RNF170: variants seen among roughly 807,000 people sequenced by gnomAD.
RNF170 encodes the protein E3 ubiquitin-protein ligase RNF170.
Under a neutral mutation model 32.7 loss-of-function variants are expected in RNF170, and 12 were observed. That is an observed-to-expected ratio of 0.37 (90% CI 0.24 to 0.60). The LOEUF is 0.60. Among genes scored for constraint, RNF170 ranks in the 20% least tolerant of loss-of-function variants. The pLI is 0.72. For synonymous variants in RNF170, 91 were observed against 103.6 expected, an observed-to-expected ratio of 0.88 and a Z score of 0.74; for missense variants, 212 against 311.2, an observed-to-expected ratio of 0.68 and a Z score of 2.40.
intron 2 of RNF170, among the ~76,000 whole-genome samples, chr8:42,886,670 G>A (rs548788995): frequency 1.3e-5 from 2 of 152,040 alleles, no homozygotes; most frequent in Non-Finnish European, 2.9e-5. Flanking sequence ...CAGGTGATCC[G>A]CCTGCCTCAG....
At chr8:42,870,202 G>T (rs543962587) in intron 3 of RNF170, 90 bp from the exon 4 acceptor site, 2 of 884,288 alleles carry the variant, frequency 2.3e-6, no homozygotes, top group South Asian at 2.8e-5. Context: ...AACAGAGTCA[G>T]CAGTGTGTAA....
At chr8:42,851,564 C>CAA (rs11345853), downstream of RNF170, among the ~76,000 whole-genome samples, 11 of 82,566 alleles carry the variant, frequency 1.3e-4, no homozygotes, top group East Asian at 4.3e-4. Flanking sequence ...GACTCCGTCT[C>CAA]AAAAAAAAAA....
At chr8:42,896,725 G>A (rs1806945547), upstream of RNF170, 1 of 151,276 alleles carries the variant, frequency 6.6e-6, no homozygotes, top group Non-Finnish European at 1.5e-5. Context: ...CAGCGAACTG[G>A]TGGCGGGGGC....
At chr8:42,897,205 G>A (rs1409313970), upstream of RNF170, 2 of 1,240,750 alleles carry the variant, frequency 1.6e-6, no homozygotes, top group Admixed American at 8.4e-5. Context: ...GGGGGCCGCG[G>A]GCCGGCGGGA....
At position 42,879,892 on chromosome 8, in the gene RNF170, C is replaced by T. The variant is rs555046650; in HGVS notation, c.138-5886G>A. Among the ~76,000 whole-genome samples the T allele has an allele frequency of 8.5e-5, 13 of 152,252 alleles. No individual in the cohort carries two copies. The South Asian group carries it at 1.9e-3, about 22-fold the overall frequency. Reference sequence around the variant, plus strand: ...GTTTCGCCACGTTGGCCAGGCTGGTCTCAAACTCCTGGCCTCAAGTGATCT... The same window carrying T: ...GTTTCGCCACGTTGGCCAGGCTGGTTTCAAACTCCTGGCCTCAAGTGATCT... On this transcript the variant is annotated intron_variant, in intron 2 of 6. Coordinates refer to ENST00000527424, the MANE Select transcript of RNF170 (RefSeq NM_030954.4).
chr8:42,867,577 C>T (rs920771457), intron 4 of RNF170, among the ~76,000 whole-genome samples: 2 of 150,324 alleles, frequency 1.3e-5, no homozygotes, highest in Admixed American at 1.3e-4. Flanking sequence ...AGATCAAGAC[C>T]ATCATGGCTA....
chr8:42,858,489 G>A (rs1436245668), intron 6 of RNF170, among the ~76,000 whole-genome samples: 1 of 152,112 alleles, frequency 6.6e-6, no homozygotes, highest in African/African-American at 2.4e-5. Flanking sequence ...TTGGAAACTC[G>A]GCAGTGGTAA....
At position 42,887,808 on chromosome 8, in the gene RNF170, T is replaced by C; in HGVS notation, c.57A>G (p.Ile19Met). 2 of 1,613,956 alleles carry C rather than the reference T, an allele frequency of 1.2e-6. No homozygotes were observed. Among genetic ancestry groups the C allele is most frequent in the South Asian group, 1.1e-5 (1 of 91,090 alleles). The change falls in exon 2 of 7, where the codon ATA (isoleucine) becomes ATG (methionine). Residue 19 changes from isoleucine to methionine, a missense_variant. Coordinates refer to ENST00000527424, the MANE Select transcript of RNF170 (RefSeq NM_030954.4). ...QSLKLDDDSV[I>M]EGVSDQVLVA... ...CAAGTACTTGGTCGCTTACTCCTTC[T>C]ATAACTGAATCATCATCCAGTTTCA...
chr8:42,890,004 A>G (rs1245877055), intron 1 of RNF170, among the ~76,000 whole-genome samples: 1 of 152,180 alleles, frequency 6.6e-6, no homozygotes, highest in South Asian at 2.1e-4. Context: ...AGAGCTGTGA[A>G]GGTTAAAACA....
Position 42,891,589 on chromosome 8 carries a change from T to C in RNF170, c.-7-3718A>G, listed in dbSNP as rs976927243. Among the ~76,000 whole-genome samples the C allele has an allele frequency of 2.0e-4, 30 of 152,340 alleles. 1 individual carries two copies. The highest frequency in any genetic ancestry group is 1.7e-3 in the South Asian group (8 of 4,824). ...ATTAAGATATTAAAATTCTGTTAAA[T>C]GTCCCTAAATTTTGTCTATATAAAC... On this transcript the variant is annotated intron_variant, in intron 1 of 6. Transcript: ENST00000527424.
chr8:42,861,635 G>T, intron 6 of RNF170, 110 bp downstream of exon 6: 1 of 894,596 alleles, frequency 1.1e-6, no homozygotes, highest in Non-Finnish European at 1.8e-6. Context: ...TAGCTACTGT[G>T]CCTGGCCAAG....
intron 5 of RNF170, 114 bp downstream of exon 5, chr8:42,865,302 G>A: frequency 1.4e-6 from 1 of 729,484 alleles, no homozygotes; most frequent in South Asian, 1.6e-5. Flanking sequence ...AGAAGATTTG[G>A]ATAAATGAAG....
intron 2 of RNF170, among the ~76,000 whole-genome samples, chr8:42,885,069 G>C (rs1805713693): frequency 6.6e-6 from 1 of 151,026 alleles, no homozygotes; most frequent in Non-Finnish European, 1.5e-5. Flanking sequence ...CATCGCCTGA[G>C]AGCCACCATT....
intron 4 of RNF170, among the ~76,000 whole-genome samples, chr8:42,869,590 G>A (rs755443602): frequency 6.6e-6 from 1 of 152,188 alleles, no homozygotes; most frequent in Non-Finnish European, 1.5e-5. Flanking sequence ...CTAAGGCAGG[G>A]TCTTGGGCAG....
intron 5 of RNF170, among the ~76,000 whole-genome samples, chr8:42,864,452 G>C (rs900815157): frequency 1.3e-5 from 2 of 152,084 alleles, no homozygotes; most frequent in Non-Finnish European, 2.9e-5. Flanking sequence ...ATGAAAAACA[G>C]TGTACAACTG....
At chr8:42,863,498 G>A (rs184238718) in intron 5 of RNF170, among the ~76,000 whole-genome samples, 481 of 152,274 alleles carry the variant, frequency 3.2e-3, no homozygotes, top group Admixed American at 6.3e-3. Flanking sequence ...CTGGAATGCA[G>A]TGACACCACC....
Position 42,875,418 on chromosome 8 carries a change from T to C in RNF170, c.138-1412A>G, listed in dbSNP as rs80115379. Among the ~76,000 whole-genome samples the C allele has an allele frequency of 5.9e-3, 898 of 152,278 alleles. 7 individuals carry two copies. The highest frequency in any genetic ancestry group is 0.021 in the African/African-American group (856 of 41,546). On this transcript the variant is annotated intron_variant, in intron 2 of 6. Transcript: ENST00000527424. ...TATCCGAATGTGATAGGGAAAAGTA[T>C]AGAAATCCATCCTGTGATTATTCAA...
chr8:42,874,134 C>T (rs1450812262), intron 2 of RNF170, 128 bp from the exon 3 acceptor site: 2 of 677,434 alleles, frequency 3.0e-6, no homozygotes, highest in Non-Finnish European at 5.3e-6. Flanking sequence ...AAGCACTTCA[C>T]TTCCAGGACT....
intron 1 of RNF170, 30 bp downstream of exon 1, chr8:42,896,454 G>A (rs967969158): frequency 8.8e-6 from 4 of 453,666 alleles, no homozygotes; most frequent in African/African-American, 8.0e-5. Context: ...CCCCGATAGG[G>A]TGGGCGTGGC....
Sources: allele counts gnomAD v4.1 joint callset (sites outside exome capture counted in the v4.1 genomes callset), GRCh38; gene constraint gnomAD v4.1.1; transcripts MANE v1.5; gene names NCBI Gene and HGNC (gene_info 2026-07-23, HGNC 2026-07-21).